Variants in NBEAL1 observed in about 807,000 individuals in gnomAD.
The protein encoded by NBEAL1 is neurobeachin-like protein 1.
NBEAL1 carries 273 observed loss-of-function variants against 351.3 expected under a neutral mutation model. The ratio of observed to expected loss-of-function variants is 0.78; its 90% confidence interval spans 0.70 to 0.86. The LOEUF (loss-of-function observed/expected upper bound fraction) is 0.86. Ranked by LOEUF, NBEAL1 falls within the 40% of genes least tolerant of loss-of-function variation. NBEAL1 has a pLI of 0.00. For missense variants in NBEAL1, 2,961 were observed against 3,201.3 expected, an observed-to-expected ratio of 0.92 and a Z score of 1.81; for synonymous variants, 1,050 against 1,086.4, an observed-to-expected ratio of 0.97 and a Z score of 0.66.
chr2:203,110,674 A>AAAATAAAT (rs67437997), intron 15 of NBEAL1, among the ~76,000 whole-genome samples: 42,810 of 130,496 alleles, frequency 0.33, 7,270 homozygotes, highest in East Asian at 0.38. Context: ...ATCCTGTCTC[A>AAAATAAAT]AAATAAATAA....
chr2:203,041,629 A>C (rs1383865558), intron 2 of NBEAL1, 136 bp from the exon 3 acceptor site: 1 of 624,098 alleles, frequency 1.6e-6, no homozygotes, highest in East Asian at 2.7e-5. Flanking sequence ...ACATTTTAAA[A>C]CAGCACATAT....
At chr2:203,022,936 C>T (rs1430633330) in intron 2 of NBEAL1, among the ~76,000 whole-genome samples, 4 of 152,118 alleles carry the variant, frequency 2.6e-5, no homozygotes, top group Non-Finnish European at 4.4e-5. Context: ...TGCTGTTGCC[C>T]TTTGTCCTGC....
intron 6 of NBEAL1, among the ~76,000 whole-genome samples, chr2:203,067,259 T>C (rs544050107): frequency 8.5e-5 from 13 of 152,272 alleles, no homozygotes; most frequent in Non-Finnish European, 1.9e-4. Context: ...GATCTATTAA[T>C]GTTCTAACAT....
At chr2:203,128,166 C>A (rs2062988230) in intron 24 of NBEAL1, among the ~76,000 whole-genome samples, 1 of 151,486 alleles carries the variant, frequency 6.6e-6, no homozygotes, top group South Asian at 2.1e-4. Context: ...CTCACTGCAA[C>A]CTCCATCTCC....
intron 46 of NBEAL1, chr2:203,190,746 A>C: frequency 6.2e-7 from 1 of 1,607,136 alleles, no homozygotes; most frequent in South Asian, 1.1e-5. Flanking sequence ...GGTCGTCCCG[A>C]ATCCGGGTTC....
chr2:203,029,891 C>G (rs1332263233), intron 2 of NBEAL1, among the ~76,000 whole-genome samples: 1 of 152,046 alleles, frequency 6.6e-6, no homozygotes, highest in East Asian at 1.9e-4. Flanking sequence ...TTGCCTTCTT[C>G]TATTTAATTG....
chr2:203,201,484 G>C (rs1575122307), intron 49 of NBEAL1, 59 bp from the exon 50 acceptor site: 1 of 1,325,398 alleles, frequency 7.5e-7, no homozygotes, highest in South Asian at 2.4e-5. Context: ...AAAAAGAATA[G>C]TTCACATCAG....
At chr2:203,043,949 C>CTTT (rs1559327672) in intron 3 of NBEAL1, among the ~76,000 whole-genome samples, 1 of 152,056 alleles carries the variant, frequency 6.6e-6, no homozygotes, top group Non-Finnish European at 1.5e-5. Context: ...TGGACTTTGA[C>CTTT]TTTTTTGTTG....
At chr2:203,027,848 A>G (rs1197553768) in intron 2 of NBEAL1, among the ~76,000 whole-genome samples, 4 of 151,924 alleles carry the variant, frequency 2.6e-5, no homozygotes, top group Non-Finnish European at 5.9e-5. Flanking sequence ...AGCAGCTAGG[A>G]CTACAAGTGT....
At chr2:203,060,313 C>T (rs1267855348) in intron 6 of NBEAL1, among the ~76,000 whole-genome samples, 1 of 151,352 alleles carries the variant, frequency 6.6e-6, no homozygotes, top group African/African-American at 2.4e-5. Flanking sequence ...TTGATAATAA[C>T]TATTAAAAAG....
At chr2:203,205,862 G>C (rs569623130) in intron 51 of NBEAL1, among the ~76,000 whole-genome samples, 1 of 152,352 alleles carries the variant, frequency 6.6e-6, no homozygotes, top group South Asian at 2.1e-4. Flanking sequence ...TACGCACTCA[G>C]ACTGATACTC....
intron 40 of NBEAL1, 109 bp downstream of exon 40, chr2:203,172,132 G>T: frequency 2.0e-6 from 1 of 504,346 alleles, no homozygotes. Context: ...AAAACACTTT[G>T]GCCTTTCTGT....
intron 9 of NBEAL1, among the ~76,000 whole-genome samples, chr2:203,084,132 C>A (rs2061922846): frequency 6.6e-6 from 1 of 151,900 alleles, no homozygotes; most frequent in African/African-American, 2.4e-5. Context: ...TTATTGTGTT[C>A]CCATGTAAGG....
chr2:203,112,419 G>A (rs530670381), intron 16 of NBEAL1, among the ~76,000 whole-genome samples: 10 of 152,304 alleles, frequency 6.6e-5, no homozygotes, highest in African/African-American at 2.2e-4. Context: ...TGTGAATTAC[G>A]TAAGAGAATA....
At position 203,224,593 on chromosome 2, in the gene NBEAL1, T is replaced by G. The variant is rs893666051; in HGVS notation, c.*7239T>G. Among the ~76,000 whole-genome samples, 7 of 152,158 alleles carry G rather than the reference T, an allele frequency of 4.6e-5. No individual in the cohort carries two copies. Among genetic ancestry groups the G allele is most frequent in the African/African-American group, 1.4e-4 (6 of 41,468 alleles). On this transcript the variant is annotated 3_prime_UTR_variant, in exon 56 of 56. Transcript: ENST00000683969. ...TGCACATAGTCAATTCAGAGCGTAA[T>G]AACTAAAAATTCAGAATGACTTGTT... is the stretch of plus-strand genomic sequence containing the variant.
upstream of NBEAL1, chr2:203,014,783 G>A (rs2060648393): frequency 6.6e-6 from 1 of 152,280 alleles, no homozygotes; most frequent in Admixed American, 6.5e-5. Flanking sequence ...GCCGCCCAAC[G>A]GCTGGGTAAA....
At chr2:203,188,198 G>A (rs2064966732) in intron 44 of NBEAL1, among the ~76,000 whole-genome samples, 1 of 151,296 alleles carries the variant, frequency 6.6e-6, no homozygotes, top group Non-Finnish European at 1.5e-5. Context: ...GTTGTTTTTG[G>A]GCTGTTATAA....
At position 203,136,042 on chromosome 2, in the gene NBEAL1, G is replaced by A. The variant is rs539583857; in HGVS notation, c.4179G>A (p.Trp1393Ter). 6.8e-6 allele frequency: 11 copies of A among 1,613,494 alleles called. No homozygotes were observed. The Admixed American group carries it at 1.0e-4, about 15-fold the overall frequency. Residue 1393 changes from tryptophan to a stop codon, truncating the protein, a stop_gained, in exon 28 of 56, where the codon TGG (tryptophan) becomes TGA (stop). Coordinates refer to ENST00000683969, the MANE Select transcript of NBEAL1 (RefSeq NM_001378026.1). LOFTEE classifies it high-confidence loss of function. ...SFKSENQEEF[W>*]HSNPSHLSLD... ...AATCAGAGAATCAAGAGGAATTCTG[G>A]CATAGTAACCCTTCACATTTGAGTT...
At chr2:203,121,181 G>A (rs2062821913) in intron 18 of NBEAL1, among the ~76,000 whole-genome samples, 1 of 151,466 alleles carries the variant, frequency 6.6e-6, no homozygotes, top group Admixed American at 6.6e-5. Flanking sequence ...GCCTGTAATT[G>A]TATTTTTATA....
Sources: gnomAD v4.1 joint callset for allele counts (sites outside exome capture counted in the v4.1 genomes callset) on GRCh38, gnomAD v4.1.1 for gene constraint, MANE v1.5 for transcripts, NCBI Gene and HGNC (gene_info 2026-07-23, HGNC 2026-07-21) for gene names.